PLEKHA1: variants seen among roughly 807,000 people sequenced by gnomAD.
PLEKHA1 encodes pleckstrin homology domain containing A1.
A neutral mutation model predicts 52.0 loss-of-function variants in PLEKHA1; 34 were observed. The ratio of observed to expected loss-of-function variants is 0.65; its 90% CI spans 0.50 to 0.87. The LOEUF is 0.87. Among genes scored for constraint, PLEKHA1 ranks in the 40% least tolerant of loss-of-function variants. PLEKHA1 has a pLI of 0.00. For missense variants in PLEKHA1, 497 were observed against 504.2 expected (o/e 0.99, Z 0.14); for synonymous variants, 163 against 170.7 (o/e 0.95, Z 0.35).
chr10:122,379,716 G>T (rs1435867909), intron 1 of PLEKHA1, among the ~76,000 whole-genome samples: 1 of 152,188 alleles, frequency 6.6e-6, no homozygotes, highest in Non-Finnish European at 1.5e-5. Flanking sequence ...TATATCCTCA[G>T]CTTTGTGTTT....
chr10:122,374,753 G>C lies in PLEKHA1; in HGVS notation c.-74G>C, dbSNP rs999517685. ...CGCGGACGCCGCTCCGGGCAGCCGAGCCTCTGTGGGAGCCGGGGCCGCGGC... is the reference window on the plus strand; with the variant it reads ...CGCGGACGCCGCTCCGGGCAGCCGACCCTCTGTGGGAGCCGGGGCCGCGGC... On this transcript the variant is annotated 5_prime_UTR_variant, in exon 1 of 12. Coordinates refer to ENST00000368990, the MANE Select transcript of PLEKHA1 (RefSeq NM_001001974.4). 2 of 151,998 alleles carry C rather than the reference G, an allele frequency of 1.3e-5. No homozygotes were observed. Among genetic ancestry groups the C allele is most frequent in the South Asian group, 2.0e-4 (1 of 4,902 alleles). 9.4% of individuals were successfully genotyped at this position (151,998 alleles called of 1,614,324 possible).
At chr10:122,396,849 C>A (rs1227064220) in intron 2 of PLEKHA1, among the ~76,000 whole-genome samples, 1 of 152,030 alleles carries the variant, frequency 6.6e-6, no homozygotes, top group Non-Finnish European at 1.5e-5. Flanking sequence ...TCCCCAGATT[C>A]TTTTGTCTGG....
chr10:122,387,000 A>G (rs1303687267), intron 1 of PLEKHA1: 1 of 152,144 alleles, frequency 6.6e-6, no homozygotes, highest in Non-Finnish European at 1.5e-5. Context: ...ATGAATTCTT[A>G]TTACCCACTT....
rs1387729700 is a variant in PLEKHA1, at chr10:122,429,998, C to T, written c.*60C>T. 2.0e-6 allele frequency: 3 copies of T among 1,520,004 alleles called. No individual in the cohort carries two copies. In the African/African-American group the frequency reaches 4.2e-5, roughly 21 times the overall value. The allele number at this position is 1,520,004 out of a possible 1,614,324, so 94.2% of individuals were successfully genotyped here. On this transcript the variant is annotated 3_prime_UTR_variant, in exon 12 of 12. Coordinates refer to ENST00000368990, the MANE Select transcript of PLEKHA1 (RefSeq NM_001001974.4). ...TCCTCAGTTTCCTTTCATGAGGCTTCTAGCCAAAGATGATAAAGGGGGAAA... is the reference window on the plus strand; with the variant it reads ...TCCTCAGTTTCCTTTCATGAGGCTTTTAGCCAAAGATGATAAAGGGGGAAA...
Position 122,416,034 on chromosome 10 carries a change from GA to G in PLEKHA1, c.612+37del, listed in dbSNP as rs11292175. On this transcript the variant is annotated intron_variant, in intron 7 of 11. Coordinates refer to ENST00000368990, the MANE Select transcript of PLEKHA1 (RefSeq NM_001001974.4). ...AGCTTAACAAAATACATGAAATAAT[GA>G]AAAAGGATTACGTTCTAGCAAACTC... is the stretch of plus-strand genomic sequence containing the variant. The G allele has an allele frequency of 2.5e-3, 3,942 of 1,567,986 alleles. 88 individuals are homozygous for G. In the African/African-American group the frequency reaches 0.047, roughly 19 times the overall value.
At chr10:122,409,212 G>GT (rs1239948620) in intron 5 of PLEKHA1, among the ~76,000 whole-genome samples, 1 of 152,104 alleles carries the variant, frequency 6.6e-6, no homozygotes, top group East Asian at 1.9e-4. Flanking sequence ...TAAACCTATT[G>GT]TAAGTCAAAA....
At chr10:122,418,055 T>G in intron 8 of PLEKHA1, 87 bp downstream of exon 8, 1 of 1,008,994 alleles carries the variant, frequency 9.9e-7, no homozygotes. Flanking sequence ...TGTACTGTTC[T>G]GTAGTTTCAG....
At chr10:122,395,631 T>A (rs2096840176) in intron 2 of PLEKHA1, among the ~76,000 whole-genome samples, 2 of 152,146 alleles carry the variant, frequency 1.3e-5, no homozygotes, top group African/African-American at 4.8e-5. Context: ...TAGTTGCTTA[T>A]GTCAAAGTAT....
At chr10:122,422,651 C>A (rs2133427378) in intron 8 of PLEKHA1, 1 of 152,334 alleles carries the variant, frequency 6.6e-6, no homozygotes, top group South Asian at 2.1e-4. Flanking sequence ...GGCGACATGA[C>A]AGCTACATAC....
At chr10:122,392,028 A>C (rs1001459461) in intron 1 of PLEKHA1, among the ~76,000 whole-genome samples, 1 of 152,158 alleles carries the variant, frequency 6.6e-6, no homozygotes, top group Admixed American at 6.5e-5. Flanking sequence ...GGTGCCAGCT[A>C]TAGAAGTACC....
intron 8 of PLEKHA1, chr10:122,418,770 C>G (rs1423721097): frequency 6.6e-6 from 1 of 152,140 alleles, no homozygotes; most frequent in Non-Finnish European, 1.5e-5. Flanking sequence ...TTATTGGAGA[C>G]ATTGAATGCA....
At chr10:122,402,406 G>A (rs1590579363) in intron 4 of PLEKHA1, among the ~76,000 whole-genome samples, 1 of 152,322 alleles carries the variant, frequency 6.6e-6, no homozygotes, top group African/African-American at 2.4e-5. Flanking sequence ...CTCTCAGATT[G>A]TCCCAAACCA....
intron 4 of PLEKHA1, among the ~76,000 whole-genome samples, chr10:122,405,169 C>T (rs2096990297): frequency 1.3e-5 from 2 of 152,152 alleles, no homozygotes; most frequent in Non-Finnish European, 2.9e-5. Flanking sequence ...AATATAGAAA[C>T]TAAATTGCAT....
chr10:122,384,361 C>G (rs531182391), intron 1 of PLEKHA1, among the ~76,000 whole-genome samples: 5 of 152,278 alleles, frequency 3.3e-5, no homozygotes, highest in African/African-American at 1.2e-4. Flanking sequence ...GTAATCCCAG[C>G]ACTTTGGGAG....
intron 1 of PLEKHA1, among the ~76,000 whole-genome samples, chr10:122,390,253 T>C (rs2096757741): frequency 6.6e-6 from 1 of 152,246 alleles, no homozygotes; most frequent in Non-Finnish European, 1.5e-5. Flanking sequence ...GGGAATACTG[T>C]AGCTAATTTG....
chr10:122,420,981 C>CA (rs1477469994), intron 8 of PLEKHA1: 2 of 152,052 alleles, frequency 1.3e-5, no homozygotes, highest in Non-Finnish European at 2.9e-5. Flanking sequence ...CAAATCTTGT[C>CA]AGAGAAACAA....
At chr10:122,410,320 TAA>T (rs1296110539) in intron 5 of PLEKHA1, among the ~76,000 whole-genome samples, 2 of 152,020 alleles carry the variant, frequency 1.3e-5, no homozygotes, top group African/African-American at 4.8e-5. Context: ...TGCTGGGACA[TAA>T]AAAAGGATAG....
At chr10:122,429,025 T>A in intron 11 of PLEKHA1, among the ~76,000 whole-genome samples, 1 of 152,358 alleles carries the variant, frequency 6.6e-6, no homozygotes, top group Admixed American at 6.5e-5. Context: ...ATATATGACC[T>A]ATTCAGAACT....
chr10:122,397,621 G>C (rs375335198), intron 2 of PLEKHA1, among the ~76,000 whole-genome samples: 3 of 152,012 alleles, frequency 2.0e-5, no homozygotes, highest in Non-Finnish European at 4.4e-5. Flanking sequence ...AACAAAATCT[G>C]ATCTTGTTCA....
Sources: gnomAD v4.1 joint callset for allele counts (sites outside exome capture counted in the v4.1 genomes callset) on GRCh38, gnomAD v4.1.1 for gene constraint, MANE v1.5 for transcripts, NCBI Gene and HGNC (gene_info 2026-07-23, HGNC 2026-07-21) for gene names.